DAB1: variants seen among roughly 807,000 people sequenced by gnomAD.
DAB1 encodes DAB adaptor protein 1, also known as disabled homolog 1.
In DAB1, 15 loss-of-function variants were observed where a neutral mutation model predicts 64.6. The ratio of observed to expected loss-of-function variants is 0.23; its 90% CI spans 0.16 to 0.36. DAB1 has a LOEUF of 0.36. Among genes scored for constraint, DAB1 ranks in the 10% least tolerant of loss-of-function variants. The probability of loss-of-function intolerance (pLI) is 1.00; values close to 1 mark genes in which losing one functional copy is unlikely to be tolerated. For synonymous variants in DAB1, 235 were observed against 251.9 expected, an observed-to-expected ratio of 0.93 and a Z score of 0.64; for missense variants, 596 against 706.7, an observed-to-expected ratio of 0.84 and a Z score of 1.78.
At chr1:58,192,377 C>T (rs1048485057) in intron 4 of DAB1, among the ~76,000 whole-genome samples, 1 of 152,156 alleles carries the variant, frequency 6.6e-6, no homozygotes, top group Non-Finnish European at 1.5e-5. Context: ...GAATAGTGAA[C>T]ACTGCAAACA....
chr1:57,947,987 C>A (rs1025400824), intron 5 of DAB1, among the ~76,000 whole-genome samples: 1 of 152,164 alleles, frequency 6.6e-6, no homozygotes, highest in African/African-American at 2.4e-5. Flanking sequence ...ACTTTGGGCT[C>A]AAGAAACAGT....
intron 6 of DAB1, among the ~76,000 whole-genome samples, chr1:57,762,427 G>T (rs529773193): frequency 6.6e-5 from 10 of 152,010 alleles, no homozygotes; most frequent in Non-Finnish European, 1.5e-4. Context: ...ACATGGGGCG[G>T]AAAAATGTCA....
chr1:58,425,918 A>G (rs549512444), intron 3 of DAB1, among the ~76,000 whole-genome samples: 1 of 152,184 alleles, frequency 6.6e-6, no homozygotes, highest in East Asian at 1.9e-4. Flanking sequence ...TGCGGGGTAC[A>G]GAAGAATAGT....
intron 1 of DAB1, among the ~76,000 whole-genome samples, chr1:58,530,439 A>G (rs1356428385): frequency 1.3e-5 from 2 of 152,234 alleles, no homozygotes; most frequent in Admixed American, 6.5e-5. Context: ...ATATTCATAT[A>G]TAAGAATATC....
intron 7 of DAB1, among the ~76,000 whole-genome samples, chr1:57,580,115 TG>T (rs1319936912): frequency 6.6e-6 from 1 of 151,156 alleles, no homozygotes; most frequent in Non-Finnish European, 1.5e-5. Flanking sequence ...CACCTGGCCC[TG>T]GGGTGGTTAG....
In DAB1 at chr1:56,999,194, A is replaced by T. The variant is rs2101610407; in HGVS notation, c.*16-1066T>A. 2.0e-5 allele frequency among the ~76,000 whole-genome samples: 3 copies of T among 152,332 alleles called. No individual in the cohort carries two copies. The East Asian group carries it at 5.8e-4, about 29-fold the overall frequency. Reference sequence around the variant, plus strand: ...CCTACCATGTGTCTGGCACCATGCTAGGTATTTTCAAGTACATTGTCTTTT... The same window carrying T: ...CCTACCATGTGTCTGGCACCATGCTTGGTATTTTCAAGTACATTGTCTTTT... On this transcript the variant is annotated intron_variant, in intron 14 of 14. Coordinates refer to ENST00000371236, the MANE Select transcript of DAB1 (RefSeq NM_001365792.1).
chr1:58,458,076 G>A (rs1390176363), intron 3 of DAB1, among the ~76,000 whole-genome samples: 3 of 152,144 alleles, frequency 2.0e-5, no homozygotes, highest in African/African-American at 4.8e-5. Context: ...CTGTCTTCCC[G>A]GAGCACAGAG....
At chr1:57,039,168 T>C (rs1212969476) in intron 9 of DAB1, among the ~76,000 whole-genome samples, 1 of 152,202 alleles carries the variant, frequency 6.6e-6, no homozygotes, top group African/African-American at 2.4e-5. Context: ...TGGCATTTCC[T>C]TGAATAAAGT....
Position 57,837,547 on chromosome 1 carries a change from C to T in DAB1, n.88-11092G>A, listed in dbSNP as rs187597574. Among the ~76,000 whole-genome samples, 664 of 152,164 alleles carry T rather than the reference C, an allele frequency of 4.4e-3. 2 individuals are homozygous for T. Among genetic ancestry groups the T allele is most frequent in the African/African-American group, 0.016 (648 of 41,480 alleles). ...AATATCTCCCCCACTCCAAATTAGA[C>T]CACATCACTTCCCTGCTTGAGACTC... On this transcript the variant is annotated intron_variant and non_coding_transcript_variant, in intron 1 of 1. Coordinates refer to the DAB1 transcript ENST00000477280.
intron 1 of DAB1, among the ~76,000 whole-genome samples, chr1:57,365,185 A>G (rs1367939204): frequency 7.0e-6 from 1 of 142,998 alleles, no homozygotes; most frequent in Non-Finnish European, 1.5e-5. Context: ...TTCTTTATAT[A>G]TAAAGAATAT....
At chr1:58,410,678 T>A (rs532126475) in intron 3 of DAB1, among the ~76,000 whole-genome samples, 1 of 152,334 alleles carries the variant, frequency 6.6e-6, no homozygotes, top group African/African-American at 2.4e-5. Context: ...CATGCTGTGA[T>A]GCCCCCCTAA....
intron 3 of DAB1, among the ~76,000 whole-genome samples, chr1:58,498,797 T>A (rs1557442191): frequency 6.6e-6 from 1 of 152,160 alleles, no homozygotes; most frequent in Non-Finnish European, 1.5e-5. Context: ...TTTCATCTTT[T>A]AAAAAAATTA....
chr1:57,289,384 G>A (rs1672584959), intron 2 of DAB1, among the ~76,000 whole-genome samples: 1 of 152,172 alleles, frequency 6.6e-6, no homozygotes, highest in African/African-American at 2.4e-5. Context: ...AGTACATACT[G>A]GGCTCTGCGA....
chr1:57,564,587 A>C (rs1021237340), intron 7 of DAB1, among the ~76,000 whole-genome samples: 1 of 152,204 alleles, frequency 6.6e-6, no homozygotes, highest in Non-Finnish European at 1.5e-5. Context: ...GAAGTCCTTA[A>C]ATGACCTGAC....
intron 3 of DAB1, among the ~76,000 whole-genome samples, chr1:58,391,002 CT>C (rs994003016): frequency 3.1e-4 from 47 of 152,290 alleles, no homozygotes; most frequent in African/African-American, 1.1e-3. Flanking sequence ...GAAAATTATC[CT>C]GGGAGGTAGG....
chr1:57,186,563 A>T (rs748023765), intron 2 of DAB1, among the ~76,000 whole-genome samples: 2 of 152,208 alleles, frequency 1.3e-5, no homozygotes, highest in Non-Finnish European at 2.9e-5. Flanking sequence ...TAAATACCCA[A>T]TCCATAATTC....
intron 2 of DAB1, among the ~76,000 whole-genome samples, chr1:57,146,069 A>G (rs1659095930): frequency 6.6e-6 from 1 of 152,222 alleles, no homozygotes; most frequent in Non-Finnish European, 1.5e-5. Context: ...AATTATTAAG[A>G]TAATATTTTG....
chr1:57,015,941 C>T (rs1213989952), intron 11 of DAB1, among the ~76,000 whole-genome samples: 1 of 152,120 alleles, frequency 6.6e-6, no homozygotes, highest in Non-Finnish European at 1.5e-5. Flanking sequence ...GTTTTAGAGA[C>T]CTAGGTTAAA....
chr1:57,800,528 T>C (rs980159237), intron 6 of DAB1, among the ~76,000 whole-genome samples: 1 of 152,184 alleles, frequency 6.6e-6, no homozygotes, highest in Non-Finnish European at 1.5e-5. Context: ...TAAAATTAAA[T>C]CTGGAAATTT....
Sources: allele counts gnomAD v4.1 joint callset (sites outside exome capture counted in the v4.1 genomes callset), GRCh38; gene constraint gnomAD v4.1.1; transcripts MANE v1.5; gene names NCBI Gene and HGNC (gene_info 2026-07-23, HGNC 2026-07-21).